MAGED1: variants seen among roughly 807,000 people sequenced by gnomAD.
MAGED1 encodes the protein MAGE family member D1, also known as melanoma-associated antigen D1.
In MAGED1, 3 loss-of-function variants were observed where a neutral mutation model predicts 54.1. The ratio of observed to expected loss-of-function variants is 0.06; its 90% CI spans 0.03 to 0.14. MAGED1 has a LOEUF of 0.14. Among genes scored for constraint, MAGED1 ranks in the 10% least tolerant of loss-of-function variants. The probability of loss-of-function intolerance (pLI) is 1.00; values close to 1 mark genes in which losing one functional copy is unlikely to be tolerated. For synonymous variants in MAGED1, 217 were observed against 227.3 expected, an observed-to-expected ratio of 0.95 and a Z score of 0.41; for missense variants, 485 against 623.4, an observed-to-expected ratio of 0.78 and a Z score of 2.36.
chrX:51,835,244 G>GTAGCT (rs1557357819), intron 1 of MAGED1, among the ~76,000 whole-genome samples: 1 of 111,273 alleles, frequency 9.0e-6, no homozygotes, highest in Non-Finnish European at 1.9e-5. Context: ...AGCAAACATT[G>GTAGCT]TAGCTTAGCT....
chrX:51,893,332 G>A (rs1170193226), upstream of MAGED1, among the ~76,000 whole-genome samples: 1 of 109,269 alleles, frequency 9.2e-6, no homozygotes, highest in Non-Finnish European at 1.9e-5. Context: ...AAAAGGTAGG[G>A]GGCCGGTGTG....
chrX:51,835,582 T>A (rs1318779491), intron 1 of MAGED1, among the ~76,000 whole-genome samples: 6 of 111,633 alleles, frequency 5.4e-5, no homozygotes, highest in Non-Finnish European at 1.1e-4. Context: ...CCAGAGTTTT[T>A]AAAAAAATCT....
chrX:51,879,795 T>C (rs782686081), intron 1 of MAGED1, among the ~76,000 whole-genome samples: 53 of 112,131 alleles, frequency 4.7e-4, no homozygotes, highest in Non-Finnish European at 9.2e-4. Context: ...AAGTGATTGA[T>C]TTTTAGTTTG....
intron 1 of MAGED1, among the ~76,000 whole-genome samples, chrX:51,809,057 T>C (rs1557355342): frequency 2.7e-5 from 3 of 112,310 alleles, no homozygotes; most frequent in Non-Finnish European, 5.6e-5. Context: ...TTATTGCCAA[T>C]GGATGTTTTT....
At chrX:51,820,493 A>G (rs1039890933) in intron 1 of MAGED1, among the ~76,000 whole-genome samples, 2 of 112,032 alleles carry the variant, frequency 1.8e-5, no homozygotes, top group African/African-American at 6.5e-5. Flanking sequence ...GGTCCCACAC[A>G]TTAAGGTCCC....
At chrX:51,821,519 T>C (rs1167026193) in intron 1 of MAGED1, among the ~76,000 whole-genome samples, 3 of 111,236 alleles carry the variant, frequency 2.7e-5, no homozygotes, top group Non-Finnish European at 5.7e-5. Flanking sequence ...GCCCCCCAAG[T>C]AGCTGAGACT....
intron 1 of MAGED1, among the ~76,000 whole-genome samples, chrX:51,850,458 A>G (rs1926844958): frequency 8.9e-6 from 1 of 112,023 alleles, no homozygotes; most frequent in Admixed American, 9.5e-5. Context: ...ATACAAATTA[A>G]TTTACTGAGA....
chrX:51,864,210 G>T (rs1927384072), intron 1 of MAGED1, among the ~76,000 whole-genome samples: 1 of 110,745 alleles, frequency 9.0e-6, no homozygotes, highest in East Asian at 2.8e-4. Context: ...GTGTGTGTGT[G>T]TGTGTAAGAT....
In MAGED1 at chrX:51,888,013, A is replaced by G. The variant is rs143366866; in HGVS notation, c.-36-6256A>G. 2.2e-4 allele frequency among the ~76,000 whole-genome samples: 25 copies of G among 111,635 alleles called. 1 individual carries two copies. The Middle Eastern group carries it at 0.041, about 185-fold the overall frequency. On this transcript the variant is annotated intron_variant, in intron 1 of 12. Transcript: ENST00000375772. ...AAGAGAAAAGAAAGAAAACAATGCA[A>G]TTAAGGGTAATGGGGGCTGGGAAGG...
intron 1 of MAGED1, among the ~76,000 whole-genome samples, chrX:51,882,376 CAGAA>C (rs1431930615): frequency 2.7e-5 from 3 of 110,972 alleles, no homozygotes; most frequent in Non-Finnish European, 5.7e-5. Context: ...CTTCTACTTC[CAGAA>C]AGAAGTAGTA....
chrX:51,819,597 T>C, intron 1 of MAGED1, among the ~76,000 whole-genome samples: 1 of 111,296 alleles, frequency 9.0e-6, no homozygotes, highest in East Asian at 2.8e-4. Context: ...GCTATTTGTA[T>C]ATCTTCTTTA....
At chrX:51,897,373 C>G (rs1170633315) in intron 5 of MAGED1, 102 bp downstream of exon 5, 1 of 857,815 alleles carries the variant, frequency 1.2e-6, no homozygotes, top group Admixed American at 2.4e-5. Flanking sequence ...TCACTCCATG[C>G]TCTGTCGGCA....
chrX:51,833,762 C>T (rs782266135), intron 1 of MAGED1, among the ~76,000 whole-genome samples: 62 of 111,734 alleles, frequency 5.5e-4, no homozygotes, highest in Middle Eastern at 9.4e-3. Context: ...TATAAAATCA[C>T]GAAATATTAA....
At chrX:51,855,051 A>G (rs1200966119) in intron 1 of MAGED1, among the ~76,000 whole-genome samples, 2 of 111,859 alleles carry the variant, frequency 1.8e-5, no homozygotes, top group East Asian at 5.7e-4. Context: ...TTGTTTCTTC[A>G]TGTCCCTCTC....
At chrX:51,861,828 G>A (rs797024994) in intron 1 of MAGED1, among the ~76,000 whole-genome samples, 3 of 111,011 alleles carry the variant, frequency 2.7e-5, no homozygotes, top group Admixed American at 9.6e-5. Flanking sequence ...GATTACAGGC[G>A]CCCACCATAT....
intron 1 of MAGED1, among the ~76,000 whole-genome samples, chrX:51,808,962 G>A (rs1925121705): frequency 9.0e-6 from 1 of 111,188 alleles, no homozygotes; most frequent in African/African-American, 3.3e-5. Context: ...TTTTTGAGAC[G>A]GAGTCTTGCT....
intron 1 of MAGED1, among the ~76,000 whole-genome samples, chrX:51,809,335 C>T (rs1446556533): frequency 9.0e-6 from 1 of 110,981 alleles, no homozygotes; most frequent in Non-Finnish European, 1.9e-5. Flanking sequence ...AGGATGGTCT[C>T]GACCTCCTGA....
intron 1 of MAGED1, among the ~76,000 whole-genome samples, chrX:51,850,261 T>A (rs961060761): frequency 1.8e-5 from 2 of 111,501 alleles, no homozygotes; most frequent in Non-Finnish European, 3.8e-5. Flanking sequence ...GCTCACGCTC[T>A]AGTGAGCTGT....
intron 2 of MAGED1, chrX:51,894,613 T>G (rs1238716634): frequency 8.4e-6 from 10 of 1,185,899 alleles, no homozygotes; most frequent in Non-Finnish European, 1.1e-5. Context: ...GGAACCATTT[T>G]TTTTTTTTTC....
Sources: gnomAD v4.1 joint callset for allele counts (sites outside exome capture counted in the v4.1 genomes callset) on GRCh38, gnomAD v4.1.1 for gene constraint, MANE v1.5 for transcripts, NCBI Gene and HGNC (gene_info 2026-07-23, HGNC 2026-07-21) for gene names.